Variants in ARHGAP42 observed in about 807,000 individuals in gnomAD.
ARHGAP42 encodes the protein rho GTPase-activating protein 42.
A neutral mutation model predicts 125.0 loss-of-function variants in ARHGAP42; 63 were observed. The observed-to-expected ratio is 0.50, with a 90% CI of 0.41 to 0.62. The LOEUF (loss-of-function observed/expected upper bound fraction) is 0.62. Ranked by LOEUF, ARHGAP42 falls within the 20% of genes least tolerant of loss-of-function variation. ARHGAP42 has a pLI of 0.00. For missense variants in ARHGAP42, 766 were observed against 1,024.2 expected, an observed-to-expected ratio of 0.75 and a Z score of 3.44; for synonymous variants, 339 against 351.0, an observed-to-expected ratio of 0.97 and a Z score of 0.38.
rs565366417 is a variant in ARHGAP42, at chr11:100,900,680, T to C, written c.385-12772T>C. ...ATTTGATCTTCAGTTGCTGATACCC[T>C]TTCTTCCACTTGGTCGAATCGGCTG... On this transcript the variant is annotated intron_variant, in intron 4 of 23. Coordinates refer to ENST00000298815, the MANE Select transcript of ARHGAP42 (RefSeq NM_152432.4). 3.2e-3 allele frequency among the ~76,000 whole-genome samples: 494 copies of C among 152,320 alleles called. 2 individuals are homozygous for C. The highest frequency in any genetic ancestry group is 0.011 in the African/African-American group (460 of 41,568).
chr11:100,981,216 T>C (rs972519200), intron 22 of ARHGAP42, among the ~76,000 whole-genome samples: 2 of 152,218 alleles, frequency 1.3e-5, no homozygotes, highest in African/African-American at 4.8e-5. Context: ...TGTTTGAACA[T>C]GACAGGTGCT....
intron 4 of ARHGAP42, among the ~76,000 whole-genome samples, chr11:100,892,021 G>A (rs1054440779): frequency 6.6e-6 from 1 of 152,246 alleles, no homozygotes; most frequent in Non-Finnish European, 1.5e-5. Context: ...CAAGCACATT[G>A]GTATTAGTAG....
At chr11:100,822,727 G>T (rs140012062) in intron 3 of ARHGAP42, among the ~76,000 whole-genome samples, 2 of 152,164 alleles carry the variant, frequency 1.3e-5, no homozygotes, top group East Asian at 1.9e-4. Flanking sequence ...TACAGTGTAT[G>T]CAGTTTGATT....
intron 3 of ARHGAP42, among the ~76,000 whole-genome samples, chr11:100,832,106 GC>G (rs1349002019): frequency 7.2e-5 from 11 of 152,220 alleles, no homozygotes. Flanking sequence ...GGCCTCTCTT[GC>G]CAGAGATGGC....
chr11:100,844,618 T>A (rs1183316344), intron 3 of ARHGAP42, among the ~76,000 whole-genome samples: 1 of 150,856 alleles, frequency 6.6e-6, no homozygotes, highest in Non-Finnish European at 1.5e-5. Context: ...AAAAATCCTA[T>A]CAAAAAGTGG....
intron 2 of ARHGAP42, among the ~76,000 whole-genome samples, chr11:100,792,497 G>A (rs1389627660): frequency 6.6e-6 from 1 of 152,034 alleles, no homozygotes; most frequent in Admixed American, 6.6e-5. Flanking sequence ...GCTATTTTTA[G>A]AATTTGTTTT....
In ARHGAP42 at chr11:100,872,844, G is replaced by A. The variant is rs753708407; in HGVS notation, c.384+13219G>A. Among the ~76,000 whole-genome samples the A allele has an allele frequency of 1.7e-4, 26 of 152,062 alleles. 1 individual carries two copies. The highest frequency in any genetic ancestry group is 4.2e-4 in the South Asian group (2 of 4,814). On this transcript the variant is annotated intron_variant, in intron 4 of 23. Coordinates refer to ENST00000298815, the MANE Select transcript of ARHGAP42 (RefSeq NM_152432.4). ...CGATTCAATGGTGTTGATCTGTTTC[G>A]TAACAAGCACATTCCTCAGCATTGG...
At chr11:100,796,865 G>A (rs1250487884) in intron 3 of ARHGAP42, among the ~76,000 whole-genome samples, 1 of 151,076 alleles carries the variant, frequency 6.6e-6, no homozygotes, top group African/African-American at 2.4e-5. Flanking sequence ...TGCCTCCTGG[G>A]TTCAAGCGAT....
chr11:100,803,262 AG>A (rs934070394), intron 3 of ARHGAP42, among the ~76,000 whole-genome samples: 1 of 152,052 alleles, frequency 6.6e-6, no homozygotes, highest in Non-Finnish European at 1.5e-5. Context: ...ATATCTAAGT[AG>A]GCTTGTTTGG....
At chr11:100,869,475 C>T (rs1865650697) in intron 4 of ARHGAP42, among the ~76,000 whole-genome samples, 1 of 151,624 alleles carries the variant, frequency 6.6e-6, no homozygotes, top group African/African-American at 2.4e-5. Flanking sequence ...GAGGTATCAG[C>T]CCTGACTCCA....
chr11:100,737,684 A>G (rs957760578), intron 1 of ARHGAP42, among the ~76,000 whole-genome samples: 13 of 152,190 alleles, frequency 8.5e-5, no homozygotes, highest in Admixed American at 2.0e-4. Context: ...AGGCCCAGCA[A>G]TTGCCCTTGA....
chr11:100,909,622 C>T (rs1866855301), intron 4 of ARHGAP42, among the ~76,000 whole-genome samples: 1 of 152,146 alleles, frequency 6.6e-6, no homozygotes, highest in Non-Finnish European at 1.5e-5. Context: ...GCATGAGCCA[C>T]CGGCATCCAG....
chr11:100,925,729 C>A (rs116938846), intron 6 of ARHGAP42, among the ~76,000 whole-genome samples: 7,012 of 152,246 alleles, frequency 0.046, 317 homozygotes, highest in East Asian at 0.25. Context: ...CAGAGTGAGA[C>A]TCTGTCTCAA....
chr11:100,779,581 CATATAT>C (rs1863248253), intron 2 of ARHGAP42, among the ~76,000 whole-genome samples: 1 of 46,326 alleles, frequency 2.2e-5, no homozygotes, highest in African/African-American at 5.5e-5. Context: ...CGTATATATA[CATATAT>C]ACGTGTATAT....
intron 4 of ARHGAP42, among the ~76,000 whole-genome samples, chr11:100,870,138 G>T (rs1404398999): frequency 1.3e-5 from 2 of 152,130 alleles, no homozygotes; most frequent in Non-Finnish European, 2.9e-5. Flanking sequence ...CCTCTTGAAT[G>T]AGAGTCCAGC....
At chr11:100,971,325 T>C (rs1375825441) in intron 17 of ARHGAP42, among the ~76,000 whole-genome samples, 3 of 152,160 alleles carry the variant, frequency 2.0e-5, no homozygotes, top group African/African-American at 4.8e-5. Context: ...CTCTTAAGTA[T>C]ATAATGTTGG....
At chr11:100,811,153 A>T (rs1864132598) in intron 3 of ARHGAP42, among the ~76,000 whole-genome samples, 1 of 152,096 alleles carries the variant, frequency 6.6e-6, no homozygotes, top group African/African-American at 2.4e-5. Flanking sequence ...ATGGGGTTTG[A>T]CCATGTTGGC....
At chr11:100,909,519 T>G (rs1866851817) in intron 4 of ARHGAP42, among the ~76,000 whole-genome samples, 1 of 152,030 alleles carries the variant, frequency 6.6e-6, no homozygotes, top group Non-Finnish European at 1.5e-5. Context: ...AATTTTTGTG[T>G]TTTTATTAAA....
intron 1 of ARHGAP42, among the ~76,000 whole-genome samples, chr11:100,740,484 A>T (rs185885897): frequency 6.2e-4 from 95 of 152,342 alleles, no homozygotes; most frequent in Non-Finnish European, 1.1e-3. Flanking sequence ...TGGAACTAAG[A>T]TTTGAACCTG....
Sources: gnomAD v4.1 joint callset for allele counts (sites outside exome capture counted in the v4.1 genomes callset) on GRCh38, gnomAD v4.1.1 for gene constraint, MANE v1.5 for transcripts, NCBI Gene and HGNC (gene_info 2026-07-23, HGNC 2026-07-21) for gene names.